PTPRD: variants seen among roughly 807,000 people sequenced by gnomAD.
PTPRD encodes the protein receptor-type tyrosine-protein phosphatase delta.
A neutral mutation model predicts 214.5 loss-of-function variants in PTPRD; 34 were observed. That is an observed-to-expected ratio of 0.16 (90% CI 0.12 to 0.21). The LOEUF is 0.21. Among genes scored for constraint, PTPRD ranks in the 10% least tolerant of loss-of-function variants. The pLI, the probability that PTPRD is intolerant of heterozygous loss-of-function variation, is 1.00. For missense variants in PTPRD, 2,545 were observed against 2,398.7 expected (o/e 1.06, Z -1.27); for synonymous variants, 1,128 against 845.7 (o/e 1.33, Z -5.79).
intron 4 of PTPRD, among the ~76,000 whole-genome samples, chr9:9,998,115 T>TAAAAAAAAAAA (rs1158744931): frequency 9.5e-6 from 1 of 105,814 alleles, no homozygotes; most frequent in African/African-American, 4.1e-5. Flanking sequence ...TAAAGTATAA[T>TAAAAAAAAAAA]AAAAAAAAAA....
chr9:9,280,540 A>G (rs1453044945), intron 9 of PTPRD, among the ~76,000 whole-genome samples: 4 of 151,308 alleles, frequency 2.6e-5, no homozygotes, highest in Non-Finnish European at 4.4e-5. Context: ...TAGCACACAC[A>G]AAAATGGAAT....
At chr9:8,375,821 T>C in intron 39 of PTPRD, 115 bp downstream of exon 39, 1 of 1,243,164 alleles carries the variant, frequency 8.0e-7, no homozygotes, top group Admixed American at 2.7e-5. Context: ...AAAAGAGAGC[T>C]GTATTATTTA....
At chr9:8,688,983 G>C (rs2154379807) in intron 12 of PTPRD, among the ~76,000 whole-genome samples, 1 of 152,210 alleles carries the variant, frequency 6.6e-6, no homozygotes, top group African/African-American at 2.4e-5. Context: ...TTATAAATCA[G>C]GGCATGAGAA....
chr9:10,071,198 A>G (rs924863622), intron 3 of PTPRD, among the ~76,000 whole-genome samples: 4 of 152,066 alleles, frequency 2.6e-5, no homozygotes, highest in African/African-American at 7.2e-5. Flanking sequence ...TTTTCCCTAC[A>G]TGAATATAGA....
intron 10 of PTPRD, among the ~76,000 whole-genome samples, chr9:9,125,045 A>C (rs966196059): frequency 3.3e-5 from 5 of 152,120 alleles, no homozygotes; most frequent in African/African-American, 1.2e-4. Flanking sequence ...TCCATTTTCT[A>C]GTATCATCTG....
chr9:9,136,892 T>TG (rs1429266792), intron 10 of PTPRD, among the ~76,000 whole-genome samples: 1 of 152,164 alleles, frequency 6.6e-6, no homozygotes, highest in East Asian at 1.9e-4. Flanking sequence ...AATGCCTATT[T>TG]GGGATTGCCT....
chr9:10,028,823 C>T (rs748701474), intron 4 of PTPRD, among the ~76,000 whole-genome samples: 5 of 152,156 alleles, frequency 3.3e-5, no homozygotes, highest in African/African-American at 9.7e-5. Context: ...AAATTCAAGT[C>T]GGCTGCAGAC....
chr9:9,845,963 C>G (rs1480820097), intron 5 of PTPRD, among the ~76,000 whole-genome samples: 2 of 152,020 alleles, frequency 1.3e-5, no homozygotes, highest in Non-Finnish European at 2.9e-5. Flanking sequence ...CAGTTTGATG[C>G]TCTTCATTAC....
intron 7 of PTPRD, among the ~76,000 whole-genome samples, chr9:9,619,565 T>A (rs2095109409): frequency 6.8e-6 from 1 of 146,354 alleles, no homozygotes; most frequent in African/African-American, 2.5e-5. Flanking sequence ...TTATCTAATA[T>A]GTCTAGATTA....
intron 2 of PTPRD, among the ~76,000 whole-genome samples, chr9:10,573,347 AC>A (rs1337151492): frequency 6.6e-6 from 1 of 151,998 alleles, no homozygotes; most frequent in African/African-American, 2.4e-5. Flanking sequence ...AATGCAAGTA[AC>A]CCCAACTCAA....
At chr9:8,521,666 A>T in intron 19 of PTPRD, 120 bp from the exon 20 acceptor site, 1 of 1,150,502 alleles carries the variant, frequency 8.7e-7, no homozygotes. Context: ...GATTGTCCAA[A>T]AACAAAACAT....
intron 14 of PTPRD, among the ~76,000 whole-genome samples, chr9:8,596,283 T>C (rs960647272): frequency 6.6e-6 from 1 of 152,038 alleles, no homozygotes; most frequent in Non-Finnish European, 1.5e-5. Context: ...TATGGATATA[T>C]GGATTATATG....
chr9:8,572,752 G>A (rs866482708), intron 14 of PTPRD, among the ~76,000 whole-genome samples: 78 of 151,670 alleles, frequency 5.1e-4, no homozygotes, highest in African/African-American at 1.8e-3. Flanking sequence ...AAAAAACAAC[G>A]TAGCACATTT....
intron 11 of PTPRD, among the ~76,000 whole-genome samples, chr9:8,777,769 T>C (rs2095542193): frequency 6.6e-6 from 1 of 152,248 alleles, no homozygotes; most frequent in African/African-American, 2.4e-5. Flanking sequence ...TATGCAGTCC[T>C]ATATTCATTG....
rs372482405 is a variant in PTPRD at position 10,300,747 on chromosome 9, A to T, written c.-545+40216T>A. Among the ~76,000 whole-genome samples the T allele has an allele frequency of 1.9e-4, 29 of 152,182 alleles. No homozygotes were observed. In the East Asian group the frequency reaches 5.2e-3, roughly 28 times the overall value. On this transcript the variant is annotated intron_variant, in intron 3 of 45. Coordinates refer to ENST00000381196, the MANE Select transcript of PTPRD (RefSeq NM_002839.4). ...CTCTCTAGGCAGGGTATCTCTGAAA[A>T]AAAGGCAGCAGCCCAGGTGAGGGAC...
In PTPRD at chr9:10,278,826, G is replaced by C. The variant is rs531798366; in HGVS notation, c.-545+62137C>G. Among the ~76,000 whole-genome samples the C allele has an allele frequency of 4.6e-5, 7 of 151,594 alleles. No individual in the cohort carries two copies. The South Asian group carries it at 6.2e-4, about 14-fold the overall frequency. On this transcript the variant is annotated intron_variant, in intron 3 of 45. Coordinates refer to ENST00000381196, the MANE Select transcript of PTPRD (RefSeq NM_002839.4). Reference sequence around the variant, plus strand: ...GTCTCGCTCTGTTGCCCAGGCTGGAGTGCAGTAGCGCGATCTCGGCTCACT... The same window carrying C: ...GTCTCGCTCTGTTGCCCAGGCTGGACTGCAGTAGCGCGATCTCGGCTCACT...
chr9:10,559,724 C>G (rs1046044763), intron 2 of PTPRD, among the ~76,000 whole-genome samples: 37 of 152,134 alleles, frequency 2.4e-4, no homozygotes, highest in African/African-American at 8.7e-4. Flanking sequence ...AAAAAACAAA[C>G]AACCCCATCA....
intron 2 of PTPRD, among the ~76,000 whole-genome samples, chr9:10,501,938 G>T (rs183568347): frequency 6.6e-6 from 1 of 151,896 alleles, no homozygotes; most frequent in East Asian, 1.9e-4. Context: ...TGATTTACCT[G>T]GTCCATTATA....
intron 3 of PTPRD, among the ~76,000 whole-genome samples, chr9:10,054,230 T>C (rs1000141128): frequency 1.3e-5 from 2 of 152,134 alleles, no homozygotes; most frequent in Non-Finnish European, 2.9e-5. Flanking sequence ...ACAAATGATA[T>C]TGTGCTTAAT....
Sources: allele counts gnomAD v4.1 joint callset (sites outside exome capture counted in the v4.1 genomes callset), GRCh38; gene constraint gnomAD v4.1.1; transcripts MANE v1.5; gene names NCBI Gene and HGNC (gene_info 2026-07-23, HGNC 2026-07-21).